Variants in TNFRSF21 observed in about 807,000 individuals in gnomAD.
TNFRSF21 encodes the protein TNF receptor superfamily member 21.
A neutral mutation model predicts 45.6 loss-of-function variants in TNFRSF21; 19 were observed. The observed-to-expected ratio is 0.42, with a 90% CI of 0.29 to 0.61. The LOEUF is 0.61. TNFRSF21 is among the 20% of genes least tolerant of loss of function. The pLI, the probability that TNFRSF21 is intolerant of heterozygous loss-of-function variation, is 0.23. For synonymous variants in TNFRSF21, 314 were observed against 335.5 expected, an observed-to-expected ratio of 0.94 and a Z score of 0.70; for missense variants, 737 against 851.5, an observed-to-expected ratio of 0.87 and a Z score of 1.67.
At chr6:47,288,701 C>A (rs1369418970) in intron 1 of TNFRSF21, among the ~76,000 whole-genome samples, 1 of 152,222 alleles carries the variant, frequency 6.6e-6, no homozygotes, top group African/African-American at 2.4e-5. Context: ...TGCATTCAAG[C>A]TGCCAGTTCC....
chr6:47,300,232 T>G (rs1187204833), intron 1 of TNFRSF21, among the ~76,000 whole-genome samples: 2 of 152,210 alleles, frequency 1.3e-5, no homozygotes, highest in Non-Finnish European at 2.9e-5. Flanking sequence ...TTTCACCCAC[T>G]GCTCCCCAAG....
rs185760307 is a variant in TNFRSF21 at position 47,274,816 on chromosome 6, A to G, written c.1243+9122T>C. Among the ~76,000 whole-genome samples the G allele has an allele frequency of 3.6e-4, 55 of 152,338 alleles. No individual in the cohort carries two copies. The East Asian group carries it at 7.5e-3, about 21-fold the overall frequency. ...AGAAAAAAACAAACAACCCCATCAA[A>G]AAGTGGGCAAAGGATATGAACAGAC... On this transcript the variant is annotated intron_variant, in intron 3 of 5. Coordinates refer to ENST00000296861, the MANE Select transcript of TNFRSF21 (RefSeq NM_014452.5).
chr6:47,251,087 A>T (rs1033209885), intron 4 of TNFRSF21, among the ~76,000 whole-genome samples: 50 of 152,328 alleles, frequency 3.3e-4, no homozygotes, highest in African/African-American at 1.2e-3. Flanking sequence ...GTCTGAAAAA[A>T]TCCAAAATCT....
rs1352804483 is a variant in TNFRSF21, at chr6:47,286,335, C to A, written c.357G>T (p.Glu119Asp). 2 of 1,614,222 alleles carry A rather than the reference C, an allele frequency of 1.2e-6. No individual in the cohort carries two copies. The highest frequency in any genetic ancestry group is 1.7e-6 in the Non-Finnish European group (2 of 1,180,044). The change falls in exon 2 of 6, where the codon GAG becomes GAT. Residue 119 changes from glutamate to aspartate, a missense_variant. Glu to Asp is a conservative substitution (Grantham distance 45). Coordinates refer to ENST00000296861, the MANE Select transcript of TNFRSF21 (RefSeq NM_014452.5). The part of the protein sequence containing the change: ...CSQPCPWPMI[E>D]KLPCAALTDR... The stretch of plus-strand genomic sequence containing the variant: ...CAGTCAAGGCAGCACAAGGTAATTT[C>A]TCAATCATTGGCCATGGGCATGGCT...
chr6:47,272,498 T>C lies in TNFRSF21; in HGVS notation c.1243+11440A>G, dbSNP rs535155133. Among the ~76,000 whole-genome samples the C allele has an allele frequency of 4.6e-5, 7 of 152,312 alleles. No individual in the cohort carries two copies. In the East Asian group the frequency reaches 1.3e-3, roughly 29 times the overall value. On this transcript the variant is annotated intron_variant, in intron 3 of 5. Transcript: ENST00000296861. ...CAAAGACACAACGTACCAGAATCTC[T>C]GGGACACATTTAAAGCAGTGTGTAG...
Position 47,234,873 on chromosome 6 carries a change from G to T in TNFRSF21, c.1535C>A (p.Pro512Gln), listed in dbSNP as rs772308621. ...TQLETDKLAL[P>Q]MSPSPLSPSP... ...CGGGCTAAGCGGGCTGGGGCTCATC[G>T]GGAGAGCTAGTTTGTCAGTTTCCAG... Residue 512 changes from proline (P) to glutamine (Q), a missense_variant, in exon 5 of 6, where the codon CCG (proline) becomes CAG (glutamine). By Grantham distance (76) the Pro-to-Gln change is moderately conservative (BLOSUM62 -1). Coordinates refer to ENST00000296861, the MANE Select transcript of TNFRSF21 (RefSeq NM_014452.5). 4.0e-5 allele frequency: 56 copies of T among 1,406,554 alleles called. 1 individual carries two copies. The highest frequency in any genetic ancestry group is 5.1e-5 in the Non-Finnish European group (55 of 1,080,950). 87.1% of individuals were successfully genotyped at this position (1,406,554 alleles called of 1,614,324 possible).
chr6:47,260,981 G>A (rs972378241), intron 3 of TNFRSF21, among the ~76,000 whole-genome samples: 1 of 152,132 alleles, frequency 6.6e-6, no homozygotes, highest in Admixed American at 6.5e-5. Context: ...CCTCCTCCCA[G>A]GACAGACAAC....
chr6:47,275,262 C>G lies in TNFRSF21; in HGVS notation c.1243+8676G>C, dbSNP rs567514283. ...AAAGACCTGGAAAAAACCCAAATGT[C>G]CATCAATGATAGACTGGATTAAAAA... On this transcript the variant is annotated intron_variant, in intron 3 of 5. Coordinates refer to ENST00000296861, the MANE Select transcript of TNFRSF21 (RefSeq NM_014452.5). Among the ~76,000 whole-genome samples the G allele has an allele frequency of 3.9e-5, 6 of 152,236 alleles. No individual in the cohort carries two copies. In the East Asian group the frequency reaches 1.2e-3, roughly 29 times the overall value.
At chr6:47,272,879 T>G (rs1004338219) in intron 3 of TNFRSF21, among the ~76,000 whole-genome samples, 1 of 152,152 alleles carries the variant, frequency 6.6e-6, no homozygotes, top group Non-Finnish European at 1.5e-5. Flanking sequence ...GAGAATACTA[T>G]AAACACCTCT....
chr6:47,281,684 T>C (rs1381593806), intron 3 of TNFRSF21, among the ~76,000 whole-genome samples: 1 of 152,128 alleles, frequency 6.6e-6, no homozygotes, highest in African/African-American at 2.4e-5. Flanking sequence ...CCTGGGCCAA[T>C]AGGTGTATTT....
chr6:47,297,860 TA>T (rs1294775388), intron 1 of TNFRSF21, among the ~76,000 whole-genome samples: 2 of 152,112 alleles, frequency 1.3e-5, no homozygotes, highest in Non-Finnish European at 2.9e-5. Flanking sequence ...AAAATGCAAG[TA>T]TTCAATTCCT....
chr6:47,297,760 T>G (rs1042942029), intron 1 of TNFRSF21, among the ~76,000 whole-genome samples: 4 of 152,160 alleles, frequency 2.6e-5, no homozygotes, highest in African/African-American at 9.7e-5. Context: ...TGGCCTCAAG[T>G]GATCCGCCTG....
chr6:47,257,559 G>A (rs1765006232), intron 3 of TNFRSF21, among the ~76,000 whole-genome samples: 1 of 152,202 alleles, frequency 6.6e-6, no homozygotes, highest in Non-Finnish European at 1.5e-5. Flanking sequence ...AGGAAAAAGT[G>A]TTAGTCAAAA....
At position 47,286,506 on chromosome 6, in the gene TNFRSF21, G is replaced by A; in HGVS notation, c.186C>T (p.Gly62=). The change falls in exon 2 of 6, where the codon GGC becomes GGT. Residue 62 remains glycine (G), a synonymous_variant. Transcript: ENST00000296861. ...GTYRHVDRAT[G]QVLTCDKCPA... ...GACACTTGTCACAGGTTAGCACCTG[G>A]CCGGTGGCACGGTCAACATGGCGGT... 4.3e-6 allele frequency: 7 copies of A among 1,614,184 alleles called. No homozygotes were observed. The highest frequency in any genetic ancestry group is 5.9e-6 in the Non-Finnish European group (7 of 1,180,024).
intron 1 of TNFRSF21, among the ~76,000 whole-genome samples, chr6:47,287,307 C>CAAAA (rs1164380285): frequency 1.2e-3 from 26 of 20,874 alleles, no homozygotes; most frequent in African/African-American, 2.9e-3. Context: ...AACTCTTTCT[C>CAAAA]AAAAAAAAAA....
chr6:47,245,437 T>C (rs1031550390), intron 4 of TNFRSF21, among the ~76,000 whole-genome samples: 365 of 142,906 alleles, frequency 2.6e-3, no homozygotes, highest in African/African-American at 0.01. Context: ...AGTGTGTGTG[T>C]GTGTGTGTGT....
In TNFRSF21 at chr6:47,294,229, C is replaced by T. The variant is rs550155285; in HGVS notation, c.97-7634G>A. ...TATGATCTCAGCTCACTGCAACCTC[C>T]GCCTCCTGGGTTCAAGCAATTCCCC... On this transcript the variant is annotated intron_variant, in intron 1 of 5. Transcript: ENST00000296861. 2.6e-5 allele frequency among the ~76,000 whole-genome samples: 4 copies of T among 152,240 alleles called. No individual in the cohort carries two copies. The South Asian group carries it at 6.2e-4, about 24-fold the overall frequency.
intron 3 of TNFRSF21, among the ~76,000 whole-genome samples, chr6:47,274,532 A>C (rs886611694): frequency 2.0e-5 from 3 of 152,204 alleles, no homozygotes; most frequent in Non-Finnish European, 2.9e-5. Flanking sequence ...AACCATAAAA[A>C]CTCTAGAAGA....
At chr6:47,254,643 C>T (rs1376414617) in intron 3 of TNFRSF21, among the ~76,000 whole-genome samples, 1 of 152,156 alleles carries the variant, frequency 6.6e-6, no homozygotes, top group African/African-American at 2.4e-5. Context: ...AACAGTGTGC[C>T]CAGCTGTTCC....
Sources: gnomAD v4.1 joint callset for allele counts (sites outside exome capture counted in the v4.1 genomes callset) on GRCh38, gnomAD v4.1.1 for gene constraint, MANE v1.5 for transcripts, NCBI Gene and HGNC (gene_info 2026-07-23, HGNC 2026-07-21) for gene names.